PLD5: variants seen among roughly 807,000 people sequenced by gnomAD.
PLD5 encodes phospholipase D family member 5, also known as inactive phospholipase D5.
A neutral mutation model predicts 61.1 loss-of-function variants in PLD5; 36 were observed. That is an observed-to-expected ratio of 0.59 (90% confidence interval 0.45 to 0.78). PLD5 has a LOEUF of 0.78. Among genes scored for constraint, PLD5 ranks in the 30% least tolerant of loss-of-function variants. PLD5 has a pLI of 0.00. For synonymous variants in PLD5, 243 were observed against 242.8 expected (o/e 1.00, Z -0.01); for missense variants, 515 against 644.4 (o/e 0.80, Z 2.17).
At position 242,085,799 on chromosome 1, in the gene PLD5, C is replaced by G. The variant is rs1341714751; in HGVS notation, c.*4055G>C. The G allele has an allele frequency of 6.6e-6, 1 of 151,722 alleles. No individual in the cohort carries two copies. The highest frequency in any genetic ancestry group is 1.5e-5 in the Non-Finnish European group (1 of 67,988). The allele number at this position is 151,722 out of a possible 1,614,324, so 9.4% of individuals were successfully genotyped here. On this transcript the variant is annotated 3_prime_UTR_variant, in exon 10 of 10. Transcript: ENST00000536534. ...GGCTGTTCTATGCAAGTAATGGCAG[C>G]GTTTTACATTCCTAAAGTTAAAAAT...
chr1:242,265,706 A>G (rs1487349534), intron 3 of PLD5, among the ~76,000 whole-genome samples: 1 of 152,192 alleles, frequency 6.6e-6, no homozygotes, highest in Non-Finnish European at 1.5e-5. Flanking sequence ...CCAATGCTAC[A>G]ATGCAAATCT....
At chr1:242,312,662 G>C (rs1377177054) in intron 2 of PLD5, among the ~76,000 whole-genome samples, 1 of 152,122 alleles carries the variant, frequency 6.6e-6, no homozygotes, top group Non-Finnish European at 1.5e-5. Flanking sequence ...GCAACGCAGA[G>C]GTCAATCTCC....
In PLD5 at chr1:242,143,145, A is replaced by C. The variant is rs1191249577; in HGVS notation, c.736-18480T>G. Among the ~76,000 whole-genome samples, 7 of 152,112 alleles carry C rather than the reference A, an allele frequency of 4.6e-5. No homozygotes were observed. In the East Asian group the frequency reaches 1.4e-3, roughly 29 times the overall value. On this transcript the variant is annotated intron_variant, in intron 5 of 9. Transcript: ENST00000536534. ...TAGGTTCAAGCGATTCTCCTGCCTC[A>C]GCCTCACAAGTAGCTGGAACTACAG...
chr1:242,351,467 A>G (rs1660474535), intron 1 of PLD5, among the ~76,000 whole-genome samples: 1 of 152,154 alleles, frequency 6.6e-6, no homozygotes, highest in Admixed American at 6.5e-5. Flanking sequence ...TTCTCATGAT[A>G]GTGAGTAAGT....
intron 4 of PLD5, among the ~76,000 whole-genome samples, chr1:242,250,705 G>A (rs914084599): frequency 6.6e-5 from 10 of 152,206 alleles, no homozygotes; most frequent in East Asian, 1.9e-4. Context: ...TCAGCAAGCC[G>A]CCAAAAAATT....
At chr1:242,261,247 A>G (rs1413498129) in intron 4 of PLD5, among the ~76,000 whole-genome samples, 1 of 152,240 alleles carries the variant, frequency 6.6e-6, no homozygotes, top group Non-Finnish European at 1.5e-5. Context: ...ATTTTTAACA[A>G]TGATGCCTCG....
chr1:242,477,661 G>A (rs1667640578), intron 1 of PLD5, among the ~76,000 whole-genome samples: 1 of 152,186 alleles, frequency 6.6e-6, no homozygotes, highest in South Asian at 2.1e-4. Flanking sequence ...AGTCCAGACT[G>A]AGCAACAGTG....
rs966250093 is a variant in PLD5 at position 242,166,448 on chromosome 1, AT to A, written c.736-41784del. On this transcript the variant is annotated intron_variant, in intron 5 of 9. Transcript: ENST00000536534. ...CCCTCTCAAAACAACACTTGCCTCT[AT>A]TTACCCATGTTCATGCACATGTGTG... Among the ~76,000 whole-genome samples the A allele has an allele frequency of 2.6e-4, 40 of 152,020 alleles. 1 individual carries two copies. Among genetic ancestry groups the A allele is most frequent in the African/African-American group, 9.7e-4 (40 of 41,300 alleles).
rs182578700 is a variant in PLD5, at chr1:242,130,672, C to T, written c.736-6007G>A. Among the ~76,000 whole-genome samples, 15 of 152,200 alleles carry T rather than the reference C, an allele frequency of 9.9e-5. No individual in the cohort carries two copies. In the East Asian group the frequency reaches 1.5e-3, roughly 16 times the overall value. ...TGCCAAGGATCAGCCCTCTGCCTGG[C>T]GATAGGTTGCTCAGCCCTGTCCAGC... On this transcript the variant is annotated intron_variant, in intron 5 of 9. Transcript: ENST00000536534.
At chr1:242,299,114 T>TA (rs199997452) in intron 2 of PLD5, among the ~76,000 whole-genome samples, 3 of 152,068 alleles carry the variant, frequency 2.0e-5, no homozygotes, top group Admixed American at 6.5e-5. Context: ...TCTATTACAT[T>TA]AAAAAATTTT....
At chr1:242,123,660 C>A (rs1350570790) in intron 6 of PLD5, among the ~76,000 whole-genome samples, 1 of 152,188 alleles carries the variant, frequency 6.6e-6, no homozygotes, top group Non-Finnish European at 1.5e-5. Context: ...TCCACACACA[C>A]GGTGGCCCCA....
intron 1 of PLD5, among the ~76,000 whole-genome samples, chr1:242,508,468 G>A (rs1229289100): frequency 2.0e-5 from 3 of 152,118 alleles, no homozygotes; most frequent in African/African-American, 7.2e-5. Context: ...TTTCAGGGTT[G>A]CCATATTGAG....
chr1:242,486,829 A>G (rs1174833920), intron 1 of PLD5, among the ~76,000 whole-genome samples: 1 of 152,220 alleles, frequency 6.6e-6, no homozygotes, highest in Non-Finnish European at 1.5e-5. Flanking sequence ...CAACAATGAT[A>G]GACTGGATTA....
At chr1:242,417,365 C>T (rs2149294579) in intron 1 of PLD5, among the ~76,000 whole-genome samples, 1 of 152,326 alleles carries the variant, frequency 6.6e-6, no homozygotes, top group East Asian at 1.9e-4. Flanking sequence ...GTCAGTTTAC[C>T]ATTGCCATGG....
At position 242,522,603 on chromosome 1, in the gene PLD5, A is replaced by G. The variant is rs983887203; in HGVS notation, c.189+1485T>C. ...CGAAGATACGTTCTATCACCCTCCC[A>G]AGGCTAGACTGTTATCCCTGATACT... is the stretch of plus-strand genomic sequence containing the variant. On this transcript the variant is annotated intron_variant, in intron 1 of 9. Coordinates refer to ENST00000536534, the MANE Select transcript of PLD5 (RefSeq NM_001372062.1). Among the ~76,000 whole-genome samples the G allele has an allele frequency of 2.6e-5, 4 of 152,226 alleles. No individual in the cohort carries two copies. In the South Asian group the frequency reaches 8.3e-4, roughly 32 times the overall value.
intron 2 of PLD5, among the ~76,000 whole-genome samples, chr1:242,307,158 T>C (rs534505174): frequency 3.0e-4 from 45 of 152,288 alleles, no homozygotes; most frequent in Non-Finnish European, 5.6e-4. Context: ...TAGCATGCAG[T>C]GCCATGAGGA....
intron 4 of PLD5, among the ~76,000 whole-genome samples, chr1:242,257,115 ACTATCTACCTAC>A (rs1051948045): frequency 4.0e-5 from 6 of 150,870 alleles, no homozygotes; most frequent in East Asian, 1.9e-4. Flanking sequence ...CTGTCATCTA[ACTATCTACCTAC>A]CTATCTACCT....
At chr1:242,246,974 CTTTTTTTTT>C (rs74466537) in intron 4 of PLD5, among the ~76,000 whole-genome samples, 1 of 135,808 alleles carries the variant, frequency 7.4e-6, no homozygotes, top group African/African-American at 2.8e-5. Flanking sequence ...TTTAGGGATT[CTTTTTTTTT>C]TTTTTTTTTT....
chr1:242,487,105 A>G (rs1451858761), intron 1 of PLD5, among the ~76,000 whole-genome samples: 4 of 152,132 alleles, frequency 2.6e-5, no homozygotes, highest in Non-Finnish European at 5.9e-5. Context: ...AGATATACTT[A>G]ATGTTAAATG....
Sources: allele counts gnomAD v4.1 joint callset (sites outside exome capture counted in the v4.1 genomes callset), GRCh38; gene constraint gnomAD v4.1.1; transcripts MANE v1.5; gene names NCBI Gene and HGNC (gene_info 2026-07-23, HGNC 2026-07-21).